Variants in ACTL6B observed in about 807,000 individuals in gnomAD.
The protein encoded by ACTL6B is actin-like protein 6B.
ACTL6B carries 48 observed loss-of-function variants against 63.3 expected under a neutral mutation model. The observed-to-expected ratio is 0.76, with a 90% CI of 0.60 to 0.96. The LOEUF is 0.96. ACTL6B is among the 50% of genes least tolerant of loss of function. The pLI, the probability that ACTL6B is intolerant of heterozygous loss-of-function variation, is 0.00. For synonymous variants in ACTL6B, 230 were observed against 223.8 expected (o/e 1.03, Z -0.25); for missense variants, 350 against 572.2 (o/e 0.61, Z 3.96).
rs1171144802 is a variant in ACTL6B at position 100,643,122 on chromosome 7, T to C, written c.*124A>G. On this transcript the variant is annotated 3_prime_UTR_variant, in exon 14 of 14. Coordinates refer to ENST00000160382, the MANE Select transcript of ACTL6B (RefSeq NM_016188.5). ...TTTTTTTTCTTAAAACATTTTTACTTCTTTCAACCCAGAAACATCACCATT... is the reference window on the plus strand; with the variant it reads ...TTTTTTTTCTTAAAACATTTTTACTCCTTTCAACCCAGAAACATCACCATT... 8.2e-6 allele frequency: 9 copies of C among 1,101,346 alleles called. No homozygotes were observed. The highest frequency in any genetic ancestry group is 1.2e-5 in the Non-Finnish European group (9 of 748,650). The allele number at this position is 1,101,346 out of a possible 1,614,324, so 68.2% of individuals were successfully genotyped here. A position where few individuals can be genotyped will look rare whatever the true frequency, so the allele number is the denominator to read the frequency against.
chr7:100,652,137 G>A (rs1482110818), intron 4 of ACTL6B, among the ~76,000 whole-genome samples: 6 of 151,556 alleles, frequency 4.0e-5, no homozygotes, highest in East Asian at 2.0e-4. Context: ...GGTGGCTCAC[G>A]CCTGTAATCC....
rs1451479434 is a variant in ACTL6B, at chr7:100,655,396, G to A, written c.268+25C>T. On this transcript the variant is annotated intron_variant, in intron 3 of 13. Coordinates refer to ENST00000160382, the MANE Select transcript of ACTL6B (RefSeq NM_016188.5). The surrounding 1 kb of genome is among the most constrained non-coding windows in gnomAD (Gnocchi z 4.4). ...GGGGAGCGGGCTCCTTTTCTGTCAG[G>A]AGGTGATGGGTGGGGGCCCCTTACT... The A allele has an allele frequency of 1.2e-6, 2 of 1,609,688 alleles. No individual in the cohort carries two copies. The highest frequency in any genetic ancestry group is 1.7e-6 in the Non-Finnish European group (2 of 1,177,678).
chr7:100,643,608 G>A (rs1584466335), intron 13 of ACTL6B, among the ~76,000 whole-genome samples: 1 of 152,240 alleles, frequency 6.6e-6, no homozygotes, highest in East Asian at 1.9e-4. Context: ...GAGCTGGGGG[G>A]ATGGCACGCA....
In ACTL6B at chr7:100,643,186, G is replaced by A; in HGVS notation, c.*60C>T. On this transcript the variant is annotated 3_prime_UTR_variant, in exon 14 of 14. Transcript: ENST00000160382. ...GGGAAAGGAGGAGGGGGGCAATGTG[G>A]CATGGGGGTTAAGGGACTTCCATCT... 4.0e-6 allele frequency: 6 copies of A among 1,482,802 alleles called. No individual in the cohort carries two copies. Among genetic ancestry groups the A allele is most frequent in the South Asian group, 1.1e-5 (1 of 88,304 alleles). The allele number at this position is 1,482,802 out of a possible 1,614,324, so 91.9% of individuals were successfully genotyped here. A position where few individuals can be genotyped will look rare whatever the true frequency, so the allele number is the denominator to read the frequency against.
rs1423300861 is a variant in ACTL6B, at chr7:100,647,729, A to T, written c.670-196T>A. The T allele has an allele frequency of 8.2e-5, 45 of 549,766 alleles. No homozygotes were observed. Among genetic ancestry groups the T allele is most frequent in the Non-Finnish European group, 1.2e-4 (37 of 310,786 alleles). 34.1% of individuals were successfully genotyped at this position (549,766 alleles called of 1,614,324 possible). On this transcript the variant is annotated intron_variant, in intron 7 of 13. Coordinates refer to ENST00000160382, the MANE Select transcript of ACTL6B (RefSeq NM_016188.5). The surrounding 1 kb of genome is among the most constrained non-coding windows in gnomAD (Gnocchi z 4.4). ...GCCTCTCTCTCCATGTGTGCCTTTC[A>T]TGCGGTGGGTGCAGCTGATCTGGAG... is the stretch of plus-strand genomic sequence containing the variant.
chr7:100,655,847 A>T lies in ACTL6B; in HGVS notation c.58T>A (p.Ser20Thr), dbSNP rs1190301655. ...EVGALVFDIG[S>T]FSVRAGYAGE... is the part of the protein sequence containing the mutation. ...GCGTACCCAGCGCGGACTGAGAAGG[A>T]GCCAATGTCAAAGACCAGCGCCCCC... is the stretch of plus-strand genomic sequence containing the variant. Residue 20 changes from serine to threonine, a missense_variant, in exon 2 of 14, where the codon TCC becomes ACC. Ser to Thr is a moderately conservative substitution (Grantham distance 58). This residue lies in a region of ACTL6B where 250 missense variants were observed against 364.7 expected (regional missense o/e 0.69). Transcript: ENST00000160382. The surrounding 1 kb of genome is among the most constrained non-coding windows in gnomAD (Gnocchi z 4.4). The T allele has an allele frequency of 6.3e-7, 1 of 1,575,658 alleles. No individual in the cohort carries two copies. The highest frequency in any genetic ancestry group is 8.6e-7 in the Non-Finnish European group (1 of 1,160,172).
Position 100,643,266 on chromosome 7 carries a change from C to G in ACTL6B, c.1261G>C (p.Val421Leu). Residue 421 changes from valine (V) to leucine (L), a missense_variant, in exon 14 of 14, where the codon GTG becomes CTG. Physicochemically the swap from Val to Leu is conservative, Grantham distance 32 (BLOSUM62 1). Around this residue, in one of 3 missense-constraint regions of ACTL6B, gnomAD observed 76 missense variants for 126.1 expected, o/e 0.60. Transcript: ENST00000160382. ...TGCCATCAGGGGCACTTTCGCTCCA[C>G]GCACTGCTTCCCGCCCTCCTCATAT... ...QEYEEGGKQC[V>L]ERKCP 1 of 1,614,088 alleles carries G rather than the reference C, an allele frequency of 6.2e-7. No individual in the cohort carries two copies. The highest frequency in any genetic ancestry group is 1.1e-5 in the South Asian group (1 of 91,090).
chr7:100,647,636 CT>C lies in ACTL6B; in HGVS notation c.670-104del. ...CTCTGCAGCTACCTGGCGCTGCAGG[CT>C]CTGCTGTGCTGCCTGCAAGAGGGGT... On this transcript the variant is annotated intron_variant, in intron 7 of 13. Transcript: ENST00000160382. The surrounding 1 kb of genome is among the most constrained non-coding windows in gnomAD (Gnocchi z 4.4). 2 of 831,364 alleles carry C rather than the reference CT, an allele frequency of 2.4e-6. No individual in the cohort carries two copies. The highest frequency in any genetic ancestry group is 3.8e-6 in the Non-Finnish European group (2 of 522,364). The allele number at this position is 831,364 out of a possible 1,614,324, so 51.5% of individuals were successfully genotyped here.
rs1803870614 is a variant in ACTL6B at position 100,648,580 on chromosome 7, G to T, written c.645C>A (p.Ile215=). 6.2e-7 allele frequency: 1 copy of T among 1,611,702 alleles called. No individual in the cohort carries two copies. Among genetic ancestry groups the T allele is most frequent in the Non-Finnish European group, 8.5e-7 (1 of 1,178,776 alleles). ...ELFQEMAIDI[I]PPYMIAAKEP... is the part of the protein sequence containing the mutation. ...CCTTGGCTGCGATCATGTAAGGTGG[G>T]ATGATGTCAATGGCCATCTCCTGGA... Residue 215 remains isoleucine, a synonymous_variant, in exon 7 of 14, where the codon ATC becomes ATA. Coordinates refer to ENST00000160382, the MANE Select transcript of ACTL6B (RefSeq NM_016188.5). The surrounding 1 kb of genome is among the most constrained non-coding windows in gnomAD (Gnocchi z 4.4).
Position 100,654,782 on chromosome 7 carries a change from T to A in ACTL6B, c.369+237A>T, listed in dbSNP as rs529062487. Among the ~76,000 whole-genome samples the A allele has an allele frequency of 1.6e-3, 240 of 147,082 alleles. 1 individual carries two copies. The highest frequency in any genetic ancestry group is 5.4e-3 in the African/African-American group (219 of 40,248). Reference sequence around the variant, plus strand: ...GTGAGACTGTGTCAAAAAAAAAAAATTTAAAAAGGACTTGGAGACAGAGAA... The same window carrying A: ...GTGAGACTGTGTCAAAAAAAAAAAAATTAAAAAGGACTTGGAGACAGAGAA... On this transcript the variant is annotated intron_variant, in intron 4 of 13. Transcript: ENST00000160382.
intron 4 of ACTL6B, among the ~76,000 whole-genome samples, chr7:100,651,916 C>G (rs540398473): frequency 2.0e-5 from 3 of 152,006 alleles, no homozygotes; most frequent in African/African-American, 7.2e-5. Flanking sequence ...TCCATGAAAA[C>G]AAAGGAATAA....
intron 4 of ACTL6B, 28 bp downstream of exon 4, chr7:100,654,986 AGGGTT>A: frequency 6.4e-7 from 1 of 1,564,830 alleles, no homozygotes; most frequent in South Asian, 1.1e-5. Context: ...AGTGGAGATC[AGGGTT>A]GGACATGAGG....
chr7:100,655,709 G>C lies in ACTL6B; in HGVS notation c.102+94C>G. Reference sequence around the variant, plus strand: ...TATTCCCATATTCCCGCTCAGCAGAGCTTCTGGGCGATCTGGGAGAGCCCT... The same window carrying C: ...TATTCCCATATTCCCGCTCAGCAGACCTTCTGGGCGATCTGGGAGAGCCCT... On this transcript the variant is annotated intron_variant, in intron 2 of 13. Transcript: ENST00000160382. The surrounding 1 kb of genome is among the most constrained non-coding windows in gnomAD (Gnocchi z 4.4). 1.3e-6 allele frequency: 2 copies of C among 1,511,702 alleles called. No individual in the cohort carries two copies. Among genetic ancestry groups the C allele is most frequent in the South Asian group, 1.3e-5 (1 of 79,942 alleles). The allele number at this position is 1,511,702 out of a possible 1,614,324, so 93.6% of individuals were successfully genotyped here.
rs371565196 is a variant in ACTL6B, at chr7:100,647,581, C to T, written c.670-48G>A. 2.2e-4 allele frequency: 306 copies of T among 1,372,996 alleles called. No homozygotes were observed. The highest frequency in any genetic ancestry group is 2.7e-4 in the Non-Finnish European group (271 of 996,216). The allele number at this position is 1,372,996 out of a possible 1,614,324, so 85.1% of individuals were successfully genotyped here. A position where few individuals can be genotyped will look rare whatever the true frequency, so the allele number is the denominator to read the frequency against. On this transcript the variant is annotated intron_variant, in intron 7 of 13. Transcript: ENST00000160382. The surrounding 1 kb of genome is among the most constrained non-coding windows in gnomAD (Gnocchi z 4.4). ...CACCCTTTCCTAGCCCACCTGACCC[C>T]CACCCCCACCTTCCTGGCACTGTTC... is the stretch of plus-strand genomic sequence containing the variant.
rs1451143592 is a variant in ACTL6B, at chr7:100,655,722, C to A, written c.102+81G>T. ...CCGCTCAGCAGAGCTTCTGGGCGAT[C>A]TGGGAGAGCCCTGGGTCACTGGAAA... On this transcript the variant is annotated intron_variant, in intron 2 of 13. Transcript: ENST00000160382. This position sits in a 1 kb window ranked among gnomAD's most constrained non-coding sequence, Gnocchi z 4.4. The A allele has an allele frequency of 2.0e-6, 3 of 1,518,712 alleles. No individual in the cohort carries two copies. Among genetic ancestry groups the A allele is most frequent in the Non-Finnish European group, 2.7e-6 (3 of 1,128,890 alleles). The allele number at this position is 1,518,712 out of a possible 1,614,324, so 94.1% of individuals were successfully genotyped here. A position where few individuals can be genotyped will look rare whatever the true frequency, so the allele number is the denominator to read the frequency against.
intron 4 of ACTL6B, among the ~76,000 whole-genome samples, chr7:100,651,718 GTAC>G (rs1215849381): frequency 6.6e-6 from 1 of 151,882 alleles, no homozygotes; most frequent in Non-Finnish European, 1.5e-5. Context: ...CGAGTAGCTG[GTAC>G]TACAAGCATG....
rs79201471 is a variant in ACTL6B, at chr7:100,649,922, T to C, written c.467+116A>G. On this transcript the variant is annotated intron_variant, in intron 5 of 13. Transcript: ENST00000160382. ...TGGGGCAGAGGGAGGTGTCTGCCCATTGGGACACTGATCTTCAGAGAACCA... is the reference window on the plus strand; with the variant it reads ...TGGGGCAGAGGGAGGTGTCTGCCCACTGGGACACTGATCTTCAGAGAACCA... 6.2e-4 allele frequency: 555 copies of C among 888,980 alleles called. 1 individual carries two copies. The African/African-American group carries it at 7.1e-3, about 11-fold the overall frequency. 55.1% of individuals were successfully genotyped at this position (888,980 alleles called of 1,614,324 possible). A position where few individuals can be genotyped will look rare whatever the true frequency, so the allele number is the denominator to read the frequency against.
At chr7:100,656,154 C>T (rs1207087744) in intron 1 of ACTL6B, among the ~76,000 whole-genome samples, 176 bp downstream of exon 1, 1 of 152,200 alleles carries the variant, frequency 6.6e-6, no homozygotes, top group African/African-American at 2.4e-5. Flanking sequence ...AAGGTAGGGC[C>T]CTGTGCGCGC....
rs1804026568 is a variant in ACTL6B at position 100,655,686 on chromosome 7, T to C, written c.103-100A>G. 3 of 1,510,532 alleles carry C rather than the reference T, an allele frequency of 2.0e-6. No individual in the cohort carries two copies. The highest frequency in any genetic ancestry group is 2.7e-6 in the Non-Finnish European group (3 of 1,124,456). 93.6% of individuals were successfully genotyped at this position (1,510,532 alleles called of 1,614,324 possible). ...GGTCCTCAGACCGCCCCTGGGTTTA[T>C]TCCCATATTCCCGCTCAGCAGAGCT... On this transcript the variant is annotated intron_variant, in intron 2 of 13. Coordinates refer to ENST00000160382, the MANE Select transcript of ACTL6B (RefSeq NM_016188.5). The surrounding 1 kb of genome is among the most constrained non-coding windows in gnomAD (Gnocchi z 4.4).
Sources: allele counts gnomAD v4.1 joint callset (sites outside exome capture counted in the v4.1 genomes callset), GRCh38; gene constraint gnomAD v4.1.1; regional missense constraint gnomAD v4.1.1; non-coding constraint Gnocchi (gnomAD v3.1); transcripts MANE v1.5; gene names NCBI Gene and HGNC (gene_info 2026-07-23, HGNC 2026-07-21).